FAM120B: variants seen among roughly 807,000 people sequenced by gnomAD.
FAM120B encodes the protein family with sequence similarity 120 member B.
Under a neutral mutation model 96.3 loss-of-function variants are expected in FAM120B, and 83 were observed. The observed-to-expected ratio is 0.86, with a 90% confidence interval of 0.72 to 1.03. The LOEUF (loss-of-function observed/expected upper bound fraction) is 1.03. Ranked by LOEUF, FAM120B falls within the 50% of genes least tolerant of loss-of-function variation. The probability of loss-of-function intolerance (pLI) is 0.00; values close to 1 mark genes in which losing one functional copy is unlikely to be tolerated. For missense variants in FAM120B, 1,027 were observed against 1,121.2 expected (o/e 0.92, Z 1.20); for synonymous variants, 407 against 402.7 (o/e 1.01, Z -0.13).
chr6:170,400,309 A>G (rs980632277), intron 9 of FAM120B, among the ~76,000 whole-genome samples: 5 of 152,202 alleles, frequency 3.3e-5, no homozygotes, highest in Non-Finnish European at 7.4e-5. Context: ...GGAAGGTAGA[A>G]CTATGTCATT....
chr6:170,302,217 T>G (rs1784155254), upstream of FAM120B, among the ~76,000 whole-genome samples: 1 of 152,174 alleles, frequency 6.6e-6, no homozygotes, highest in African/African-American at 2.4e-5. Flanking sequence ...CAAGTCCTTC[T>G]TCACCTGGCA....
chr6:170,334,918 G>A (rs1447001366), intron 4 of FAM120B, among the ~76,000 whole-genome samples: 2 of 152,032 alleles, frequency 1.3e-5, no homozygotes, highest in Non-Finnish European at 2.9e-5. Flanking sequence ...GTATTGAGAT[G>A]TAAATGTATT....
chr6:170,360,673 A>G (rs1788296264), intron 6 of FAM120B, among the ~76,000 whole-genome samples: 1 of 152,138 alleles, frequency 6.6e-6, no homozygotes, highest in Non-Finnish European at 1.5e-5. Flanking sequence ...GCCAATTATT[A>G]TTAATCATTG....
chr6:170,314,643 A>G (rs1247340224), intron 1 of FAM120B, among the ~76,000 whole-genome samples: 1 of 152,278 alleles, frequency 6.6e-6, no homozygotes, highest in Admixed American at 6.5e-5. Context: ...GAGAATGAAA[A>G]GCCTGCATAT....
intron 1 of FAM120B, chr6:170,298,088 T>C (rs1784059421): frequency 1.3e-5 from 2 of 152,244 alleles, no homozygotes; most frequent in South Asian, 2.1e-4. Flanking sequence ...GGACTCACAA[T>C]GCACATGGAC....
rs143188231 is a variant in FAM120B at position 170,368,742 on chromosome 6, A to G, written c.2283+10424A>G. On this transcript the variant is annotated intron_variant, in intron 6 of 10. Coordinates refer to ENST00000476287, the MANE Select transcript of FAM120B (RefSeq NM_032448.3). Reference sequence around the variant, plus strand: ...ACCACGGACTGGGTGGCCTAAAACCACAGACATTCCCTTCTCAGTGTTTTG... The same window carrying G: ...ACCACGGACTGGGTGGCCTAAAACCGCAGACATTCCCTTCTCAGTGTTTTG... Among the ~76,000 whole-genome samples the G allele has an allele frequency of 4.0e-3, 574 of 144,378 alleles. 3 individuals are homozygous for G. The highest frequency in any genetic ancestry group is 0.018 in the Middle Eastern group (5 of 280). The allele number at this position is 144,378 out of a possible 152,430, so 94.7% of individuals were successfully genotyped here. A position where few individuals can be genotyped will look rare whatever the true frequency, so the allele number is the denominator to read the frequency against.
In FAM120B at chr6:170,388,411, A is replaced by G. The variant is rs746074131; in HGVS notation, c.2408A>G (p.Asn803Ser). The G allele has an allele frequency of 1.9e-6, 3 of 1,614,168 alleles. No individual in the cohort carries two copies. Among genetic ancestry groups the G allele is most frequent in the South Asian group, 2.2e-5 (2 of 91,082 alleles). The change falls in exon 7 of 11, where the codon AAT (asparagine) becomes AGT (serine). Residue 803 changes from asparagine to serine, a missense_variant. Physicochemically the swap from Asn to Ser is conservative, Grantham distance 46. Transcript: ENST00000476287. ...PWKTSDFMPW[N>S]VFDGKLFHQK... ...AAGACGAGTGATTTCATGCCCTGGA[A>G]TGTATTTGACGGGAAGCTTTTTCAT...
At chr6:170,311,210 T>TA (rs1475885750) in intron 1 of FAM120B, among the ~76,000 whole-genome samples, 1 of 152,226 alleles carries the variant, frequency 6.6e-6, no homozygotes, top group East Asian at 1.9e-4. Context: ...TGAAATGCAC[T>TA]TGCTTGAGTC....
rs765604536 is a variant in FAM120B at position 170,388,371 on chromosome 6, T to C, written c.2368T>C (p.Cys790Arg). ...LTTLVLVNSA[C>R]GFPWKTSDFM... is the part of the protein sequence containing the mutation. ...CACTCTGGTTTTAGTCAACAGCGCATGTGGCTTCCCCTGGAAGACGAGTGA... is the reference window on the plus strand; with the variant it reads ...CACTCTGGTTTTAGTCAACAGCGCACGTGGCTTCCCCTGGAAGACGAGTGA... Residue 790 changes from cysteine to arginine, a missense_variant, in exon 7 of 11, where the codon TGT becomes CGT. Coordinates refer to ENST00000476287, the MANE Select transcript of FAM120B (RefSeq NM_032448.3). 9 of 1,614,190 alleles carry C rather than the reference T, an allele frequency of 5.6e-6. No homozygotes were observed. Among genetic ancestry groups the C allele is most frequent in the Non-Finnish European group, 7.6e-6 (9 of 1,180,038 alleles).
At chr6:170,390,175 C>A (rs78001393) in intron 7 of FAM120B, among the ~76,000 whole-genome samples, 2,175 of 152,246 alleles carry the variant, frequency 0.014, 70 homozygotes, top group African/African-American at 0.05. Context: ...GCTTTCATAG[C>A]GGAGAGAACA....
chr6:170,377,256 G>A (rs35479904), intron 6 of FAM120B, among the ~76,000 whole-genome samples: 210 of 34,670 alleles, frequency 6.1e-3, no homozygotes, highest in East Asian at 0.027. Context: ...CTGGGAGAAC[G>A]CAGGCTCACG....
At chr6:170,355,700 C>A (rs1005450228) in intron 5 of FAM120B, among the ~76,000 whole-genome samples, 13 of 152,048 alleles carry the variant, frequency 8.5e-5, no homozygotes, top group African/African-American at 3.1e-4. Flanking sequence ...CCTGCACATC[C>A]TGCATATGTA....
chr6:170,312,422 T>TA (rs1784644961), intron 1 of FAM120B, among the ~76,000 whole-genome samples: 1 of 152,248 alleles, frequency 6.6e-6, no homozygotes, highest in Non-Finnish European at 1.5e-5. Flanking sequence ...AGGCAATTGA[T>TA]AAACATGTTT....
At chr6:170,404,716 C>T (rs1299525656) in intron 10 of FAM120B, 47 bp from the exon 11 acceptor site, 2 of 803,126 alleles carry the variant, frequency 2.5e-6, no homozygotes, top group Non-Finnish European at 4.1e-6. Flanking sequence ...ATCCTGCTGA[C>T]CTGGTGCCGA....
At chr6:170,315,929 A>G (rs184048964) in intron 1 of FAM120B, among the ~76,000 whole-genome samples, 3 of 151,204 alleles carry the variant, frequency 2.0e-5, no homozygotes, top group Admixed American at 2.0e-4. Flanking sequence ...TCCACTGGAA[A>G]AAAAAAAAAA....
intron 6 of FAM120B, among the ~76,000 whole-genome samples, chr6:170,373,574 AG>A (rs1169049303): frequency 2.0e-5 from 3 of 152,224 alleles, no homozygotes; most frequent in African/African-American, 7.2e-5. Flanking sequence ...CTGTTTGATT[AG>A]TAATTTGAAA....
chr6:170,310,714 C>G (rs1784540102), intron 1 of FAM120B, among the ~76,000 whole-genome samples: 2 of 152,176 alleles, frequency 1.3e-5, no homozygotes, highest in Admixed American at 6.5e-5. Flanking sequence ...AGAGGGGCTG[C>G]CATGGGACTT....
At chr6:170,327,640 C>T (rs149846399) in intron 3 of FAM120B, among the ~76,000 whole-genome samples, 2,222 of 140,180 alleles carry the variant, frequency 0.016, 65 homozygotes, top group East Asian at 0.12. Context: ...CAGGCTGCTC[C>T]GGTGAGTCCA....
intron 6 of FAM120B, among the ~76,000 whole-genome samples, chr6:170,384,574 C>T (rs886396730): frequency 1.3e-5 from 2 of 152,152 alleles, no homozygotes; most frequent in African/African-American, 4.8e-5. Flanking sequence ...AAGGTCAGCG[C>T]CCCAGGATTA....
Sources: gnomAD v4.1 joint callset for allele counts (sites outside exome capture counted in the v4.1 genomes callset) on GRCh38, gnomAD v4.1.1 for gene constraint, MANE v1.5 for transcripts, NCBI Gene and HGNC (gene_info 2026-07-23, HGNC 2026-07-21) for gene names.